The following GALNTL6 variants were observed in gnomAD, a reference collection of about 807,000 sequenced individuals.
GALNTL6 encodes polypeptide N-acetylgalactosaminyltransferase like 6.
Under a neutral mutation model 73.7 loss-of-function variants are expected in GALNTL6, and 46 were observed. The ratio of observed to expected loss-of-function variants is 0.62; its 90% CI spans 0.49 to 0.80. The LOEUF (loss-of-function observed/expected upper bound fraction) is 0.80, where lower values mean the gene tolerates loss of function less well. Among genes scored for constraint, GALNTL6 ranks in the 30% least tolerant of loss-of-function variants. The probability of loss-of-function intolerance (pLI) is 0.00; values close to 1 mark genes in which losing one functional copy is unlikely to be tolerated. For missense variants in GALNTL6, 604 were observed against 755.0 expected, an observed-to-expected ratio of 0.80 and a Z score of 2.34; for synonymous variants, 259 against 263.7, an observed-to-expected ratio of 0.98 and a Z score of 0.17.
chr4:171,996,703 T>C (rs1740498474), intron 2 of GALNTL6, among the ~76,000 whole-genome samples: 1 of 133,752 alleles, frequency 7.5e-6, no homozygotes, highest in African/African-American at 2.8e-5. Context: ...ACATAATATA[T>C]ACTAACAATA....
intron 5 of GALNTL6, among the ~76,000 whole-genome samples, chr4:172,710,289 A>C (rs1193214280): frequency 1.3e-5 from 2 of 152,178 alleles, no homozygotes; most frequent in African/African-American, 4.8e-5. Context: ...CTATTTATTT[A>C]TCATGAAGAA....
intron 10 of GALNTL6, among the ~76,000 whole-genome samples, chr4:172,999,858 T>A (rs1033708636): frequency 6.6e-6 from 1 of 152,064 alleles, no homozygotes; most frequent in Non-Finnish European, 1.5e-5. Context: ...TAGTACCCAT[T>A]ATGACAATTA....
At chr4:172,151,907 A>AAT (rs894730893) in intron 2 of GALNTL6, among the ~76,000 whole-genome samples, 5 of 149,710 alleles carry the variant, frequency 3.3e-5, no homozygotes, top group African/African-American at 1.2e-4. Context: ...TATATATAAA[A>AAT]ATATATATCT....
chr4:172,452,278 GAC>G (rs1458218655), intron 5 of GALNTL6, among the ~76,000 whole-genome samples: 4 of 151,274 alleles, frequency 2.6e-5, no homozygotes, highest in Non-Finnish European at 4.4e-5. Flanking sequence ...ACAAAAAAAA[GAC>G]ACACACACAT....
chr4:172,704,840 T>C (rs1734232040), intron 5 of GALNTL6, among the ~76,000 whole-genome samples: 1 of 152,076 alleles, frequency 6.6e-6, no homozygotes. Context: ...GGTCTGTTAA[T>C]ATTTGCTTTA....
intron 5 of GALNTL6, among the ~76,000 whole-genome samples, chr4:172,638,209 A>G (rs565023499): frequency 2.0e-5 from 3 of 152,252 alleles, no homozygotes; most frequent in Admixed American, 6.5e-5. Flanking sequence ...TAAGATCTCA[A>G]AAATACCTAT....
chr4:172,490,274 G>T (rs1482261023), intron 5 of GALNTL6, among the ~76,000 whole-genome samples: 2 of 152,152 alleles, frequency 1.3e-5, no homozygotes, highest in South Asian at 2.1e-4. Context: ...AGGTTGCAAT[G>T]CAGGGGCATA....
At chr4:172,606,170 A>T (rs1219880412) in intron 5 of GALNTL6, among the ~76,000 whole-genome samples, 1 of 152,202 alleles carries the variant, frequency 6.6e-6, no homozygotes, top group East Asian at 1.9e-4. Flanking sequence ...GTTTGAACAT[A>T]TAATAGCACT....
intron 2 of GALNTL6, among the ~76,000 whole-genome samples, chr4:171,918,951 A>G (rs1387097368): frequency 6.6e-6 from 1 of 152,114 alleles, no homozygotes; most frequent in East Asian, 1.9e-4. Flanking sequence ...ATCTATAGAA[A>G]CAGAGTAGAA....
intron 2 of GALNTL6, among the ~76,000 whole-genome samples, chr4:172,055,630 A>G (rs1560903153): frequency 6.6e-6 from 1 of 152,136 alleles, no homozygotes; most frequent in Non-Finnish European, 1.5e-5. Flanking sequence ...TCAACCAGAC[A>G]TTGCAAATGG....
intron 5 of GALNTL6, among the ~76,000 whole-genome samples, chr4:172,535,586 C>T (rs1337641389): frequency 1.3e-5 from 2 of 152,154 alleles, no homozygotes; most frequent in Admixed American, 1.3e-4. Context: ...CACATCATTA[C>T]ATTAAACCAC....
intron 5 of GALNTL6, among the ~76,000 whole-genome samples, chr4:172,498,516 G>T (rs2110768846): frequency 6.6e-6 from 1 of 152,060 alleles, no homozygotes; most frequent in South Asian, 2.1e-4. Flanking sequence ...TTAATTTTGT[G>T]GGTTACAAAG....
chr4:172,945,058 CAAAAAAAAAA>C (rs200461415), intron 9 of GALNTL6, among the ~76,000 whole-genome samples: 6 of 76,896 alleles, frequency 7.8e-5, no homozygotes, highest in East Asian at 7.1e-4. Context: ...AATTCCATCT[CAAAAAAAAAA>C]AAAAGAAAAA....
At chr4:172,959,209 G>T (rs1199522418) in intron 10 of GALNTL6, among the ~76,000 whole-genome samples, 1 of 152,066 alleles carries the variant, frequency 6.6e-6, no homozygotes, top group Non-Finnish European at 1.5e-5. Context: ...TCCTATACTT[G>T]TGGTTTAAGG....
At chr4:171,929,987 T>C (rs567488282) in intron 2 of GALNTL6, among the ~76,000 whole-genome samples, 7 of 152,308 alleles carry the variant, frequency 4.6e-5, no homozygotes, top group Non-Finnish European at 8.8e-5. Flanking sequence ...TGAATGCACC[T>C]GCACTTGGCC....
chr4:171,978,613 T>C (rs551329276), intron 2 of GALNTL6, among the ~76,000 whole-genome samples: 2 of 152,346 alleles, frequency 1.3e-5, no homozygotes, highest in South Asian at 4.1e-4. Context: ...CAGTTGAGTT[T>C]CAGCCAACTC....
At chr4:172,216,749 A>G (rs1471473487) in intron 2 of GALNTL6, among the ~76,000 whole-genome samples, 2 of 152,022 alleles carry the variant, frequency 1.3e-5, no homozygotes, top group Non-Finnish European at 2.9e-5. Flanking sequence ...AATATGAGTG[A>G]CCATGGCCTG....
At chr4:172,011,851 G>A (rs1741017350) in intron 2 of GALNTL6, among the ~76,000 whole-genome samples, 1 of 152,020 alleles carries the variant, frequency 6.6e-6, no homozygotes. Context: ...AACAGAGAAA[G>A]TATCAAGAAT....
At chr4:171,961,342 A>T (rs1418161180) in intron 2 of GALNTL6, among the ~76,000 whole-genome samples, 1 of 152,182 alleles carries the variant, frequency 6.6e-6, no homozygotes, top group African/African-American at 2.4e-5. Flanking sequence ...CAGGCCCAGG[A>T]GCCACAAGTT....
Sources: gnomAD v4.1 joint callset for allele counts (sites outside exome capture counted in the v4.1 genomes callset) on GRCh38, gnomAD v4.1.1 for gene constraint, MANE v1.5 for transcripts, NCBI Gene and HGNC (gene_info 2026-07-23, HGNC 2026-07-21) for gene names.